Variants in ARHGAP24 observed in about 807,000 individuals in gnomAD.
ARHGAP24 encodes the protein rho GTPase-activating protein 24.
A neutral mutation model predicts 76.4 loss-of-function variants in ARHGAP24; 50 were observed. That is an observed-to-expected ratio of 0.65 (90% CI 0.52 to 0.83). ARHGAP24 has a LOEUF of 0.83. Among genes scored for constraint, ARHGAP24 ranks in the 40% least tolerant of loss-of-function variants. ARHGAP24 has a pLI of 0.00. For missense variants in ARHGAP24, 930 were observed against 914.2 expected (o/e 1.02, Z -0.22); for synonymous variants, 345 against 323.3 (o/e 1.07, Z -0.72).
At chr4:85,701,495 G>C (rs1260970285) in intron 2 of ARHGAP24, among the ~76,000 whole-genome samples, 1 of 151,834 alleles carries the variant, frequency 6.6e-6, no homozygotes, top group Non-Finnish European at 1.5e-5. Context: ...CAATTTTGCT[G>C]TTTGCATCTT....
intron 3 of ARHGAP24, among the ~76,000 whole-genome samples, chr4:85,823,291 T>C (rs1729560650): frequency 3.3e-5 from 5 of 152,226 alleles, no homozygotes; most frequent in Admixed American, 3.3e-4. Context: ...CGGATCATAT[T>C]GTACCTACTA....
At chr4:85,977,548 A>G (rs201999825) in intron 7 of ARHGAP24, 22 bp from the exon 8 acceptor site, 5 of 1,611,350 alleles carry the variant, frequency 3.1e-6, no homozygotes, top group East Asian at 2.2e-5. Flanking sequence ...TTGTATTTCA[A>G]TCATATGCTT....
intron 1 of ARHGAP24, among the ~76,000 whole-genome samples, chr4:85,525,257 C>CTTTTTTTTTT (rs34087239): frequency 7.8e-6 from 1 of 128,358 alleles, no homozygotes; most frequent in Non-Finnish European, 1.6e-5. Context: ...GTATTATCGG[C>CTTTTTTTTTT]TTTTTTTTTT....
intron 3 of ARHGAP24, among the ~76,000 whole-genome samples, chr4:85,840,014 TAAC>T (rs1210292258): frequency 1.3e-4 from 13 of 103,624 alleles, no homozygotes; most frequent in Admixed American, 8.2e-4. Context: ...CATGCCTGGC[TAAC>T]TTTTTTTTTT....
chr4:85,664,920 G>T (rs1171447963), intron 2 of ARHGAP24, among the ~76,000 whole-genome samples: 1 of 152,092 alleles, frequency 6.6e-6, no homozygotes, highest in Non-Finnish European at 1.5e-5. Flanking sequence ...GCTGAGGAGA[G>T]CTTTGCTTCC....
intron 9 of ARHGAP24, among the ~76,000 whole-genome samples, chr4:85,997,418 T>C (rs1740744712): frequency 1.3e-5 from 2 of 151,484 alleles, no homozygotes; most frequent in African/African-American, 4.9e-5. Context: ...ATAGATAATA[T>C]TTTACTTTGT....
intron 2 of ARHGAP24, among the ~76,000 whole-genome samples, chr4:85,656,617 G>A (rs533648464): frequency 2.6e-5 from 4 of 152,154 alleles, no homozygotes; most frequent in African/African-American, 9.6e-5. Flanking sequence ...ACAAGCGTGT[G>A]GCACCATGAC....
chr4:85,700,407 AT>A (rs61132652), intron 2 of ARHGAP24, among the ~76,000 whole-genome samples: 24,750 of 141,226 alleles, frequency 0.18, 3,150 homozygotes, highest in East Asian at 0.56. Context: ...AAAAAAAAAA[AT>A]AAATAAATAA....
At chr4:85,557,118 T>A (rs1226420746) in intron 1 of ARHGAP24, among the ~76,000 whole-genome samples, 1 of 152,168 alleles carries the variant, frequency 6.6e-6, no homozygotes, top group Admixed American at 6.5e-5. Context: ...GGGAGCTCTG[T>A]CCCAGGGAAT....
At chr4:85,547,487 G>A (rs1266212200) in intron 1 of ARHGAP24, among the ~76,000 whole-genome samples, 1 of 151,978 alleles carries the variant, frequency 6.6e-6, no homozygotes, top group Non-Finnish European at 1.5e-5. Flanking sequence ...CTGGACTGGA[G>A]AGTAGTGGTG....
At chr4:85,879,337 C>T (rs1733109551) in intron 3 of ARHGAP24, among the ~76,000 whole-genome samples, 1 of 152,050 alleles carries the variant, frequency 6.6e-6, no homozygotes, top group African/African-American at 2.4e-5. Context: ...CTTTATATAT[C>T]CTGGAGATGT....
intron 3 of ARHGAP24, among the ~76,000 whole-genome samples, chr4:85,863,802 A>G (rs1732035865): frequency 6.6e-6 from 1 of 152,062 alleles, no homozygotes; most frequent in East Asian, 1.9e-4. Context: ...TAGAACATGG[A>G]CACACATGAG....
chr4:85,939,048 A>G (rs1736811027), intron 4 of ARHGAP24, among the ~76,000 whole-genome samples: 1 of 152,000 alleles, frequency 6.6e-6, no homozygotes, highest in African/African-American at 2.4e-5. Context: ...TAGCTCCACC[A>G]TTTACTGCTG....
chr4:85,981,530 A>G (rs1403425721), intron 8 of ARHGAP24, among the ~76,000 whole-genome samples: 1 of 152,164 alleles, frequency 6.6e-6, no homozygotes, highest in African/African-American at 2.4e-5. Context: ...GTGTGTGTAA[A>G]GGATCCATTC....
chr4:85,871,913 T>C lies in ARHGAP24; in HGVS notation c.269-51735T>C, dbSNP rs939524432. Among the ~76,000 whole-genome samples, 3 of 152,092 alleles carry C rather than the reference T, an allele frequency of 2.0e-5. No homozygotes were observed. The East Asian group carries it at 5.8e-4, about 29-fold the overall frequency. ...ATTGGATGACATTAATATGCTAAGA[T>C]AAGGATAAGAAGAAATGGTTTTCAT... is the stretch of plus-strand genomic sequence containing the variant. On this transcript the variant is annotated intron_variant, in intron 3 of 9. Transcript: ENST00000395184.
chr4:85,639,995 T>G, intron 2 of ARHGAP24, among the ~76,000 whole-genome samples: 1 of 152,158 alleles, frequency 6.6e-6, no homozygotes, highest in East Asian at 1.9e-4. Flanking sequence ...TTAAGGGCCT[T>G]GTGAATCTTG....
intron 2 of ARHGAP24, among the ~76,000 whole-genome samples, chr4:85,587,541 C>T (rs896291086): frequency 6.6e-6 from 1 of 151,986 alleles, no homozygotes; most frequent in Admixed American, 6.6e-5. Flanking sequence ...GGGTGGGGGG[C>T]TTATGTTGAT....
chr4:85,872,684 G>C (rs1227567624), intron 3 of ARHGAP24, among the ~76,000 whole-genome samples: 1 of 132,796 alleles, frequency 7.5e-6, no homozygotes, highest in African/African-American at 2.9e-5. Flanking sequence ...TGCAACCTCT[G>C]CCTCCCAGGT....
chr4:85,696,235 G>A (rs1232934336), intron 2 of ARHGAP24, among the ~76,000 whole-genome samples: 3 of 151,868 alleles, frequency 2.0e-5, no homozygotes, highest in Non-Finnish European at 4.4e-5. Flanking sequence ...GCTTTTATTA[G>A]TGTTTTATTA....
Sources: gnomAD v4.1 joint callset for allele counts (sites outside exome capture counted in the v4.1 genomes callset) on GRCh38, gnomAD v4.1.1 for gene constraint, MANE v1.5 for transcripts, NCBI Gene and HGNC (gene_info 2026-07-23, HGNC 2026-07-21) for gene names.